Variants in EPS15 observed in about 807,000 individuals in gnomAD.
EPS15 encodes the protein epidermal growth factor receptor pathway substrate 15.
A neutral mutation model predicts 113.8 loss-of-function variants in EPS15; 72 were observed. That is an observed-to-expected ratio of 0.63 (90% CI 0.52 to 0.77). The LOEUF is 0.77. Among genes scored for constraint, EPS15 ranks in the 30% least tolerant of loss-of-function variants. EPS15 has a pLI of 0.00. For missense variants in EPS15, 1,048 were observed against 1,045.8 expected (o/e 1.00, Z -0.03); for synonymous variants, 344 against 363.4 (o/e 0.95, Z 0.61).
At chr1:51,411,069 CCAT>C (rs1283164528) in intron 13 of EPS15, among the ~76,000 whole-genome samples, 1 of 152,184 alleles carries the variant, frequency 6.6e-6, no homozygotes, top group Middle Eastern at 3.2e-3. Flanking sequence ...CTCTTAACCA[CCAT>C]GTGACATACC....
At chr1:51,471,834 G>C in intron 3 of EPS15, 97 bp from the exon 4 acceptor site, 1 of 878,356 alleles carries the variant, frequency 1.1e-6, no homozygotes, top group East Asian at 2.4e-5. Flanking sequence ...CAGGCTCTCT[G>C]GTAATCAGAT....
chr1:51,475,820 C>T (rs1424972154), intron 2 of EPS15, among the ~76,000 whole-genome samples: 1 of 152,136 alleles, frequency 6.6e-6, no homozygotes, highest in Non-Finnish European at 1.5e-5. Context: ...TTAGGTCTAA[C>T]ATTTAAGTCT....
chr1:51,434,581 T>C (rs1651988502), intron 12 of EPS15, among the ~76,000 whole-genome samples: 1 of 151,874 alleles, frequency 6.6e-6, no homozygotes, highest in Admixed American at 6.6e-5. Flanking sequence ...GTATGGGGAG[T>C]TATTGTTTAA....
At chr1:51,513,679 T>C (rs961191324) in intron 1 of EPS15, among the ~76,000 whole-genome samples, 1 of 152,198 alleles carries the variant, frequency 6.6e-6, no homozygotes, top group Non-Finnish European at 1.5e-5. Flanking sequence ...TCCCAAATTC[T>C]GAGCCTCAGT....
intron 16 of EPS15, among the ~76,000 whole-genome samples, chr1:51,404,370 T>A (rs1172748188): frequency 1.4e-5 from 2 of 144,508 alleles, no homozygotes; most frequent in Non-Finnish European, 3.0e-5. Context: ...AGAGCGAGAC[T>A]CCGTCTCAAA....
intron 2 of EPS15, among the ~76,000 whole-genome samples, chr1:51,476,711 G>T (rs1643912034): frequency 6.6e-6 from 1 of 151,702 alleles, no homozygotes; most frequent in African/African-American, 2.4e-5. Context: ...GTTCTGCTCT[G>T]ATCTTAGTTA....
chr1:51,505,892 G>A (rs1029484644), intron 1 of EPS15, among the ~76,000 whole-genome samples: 1 of 139,212 alleles, frequency 7.2e-6, no homozygotes, highest in African/African-American at 2.6e-5. Flanking sequence ...TTATTTATTT[G>A]TTGGTTTGTT....
chr1:51,402,652 C>T (rs771870904), intron 17 of EPS15, 127 bp from the exon 18 acceptor site: 1 of 513,590 alleles, frequency 1.9e-6, no homozygotes, highest in African/African-American at 2.0e-5. Context: ...GGGCCAGGCA[C>T]GGTGGCTCAC....
chr1:51,479,766 T>A (rs1255012996), intron 2 of EPS15, among the ~76,000 whole-genome samples: 1 of 152,252 alleles, frequency 6.6e-6, no homozygotes, highest in Non-Finnish European at 1.5e-5. Flanking sequence ...TGACTTCTTT[T>A]ATTCAAACAA....
chr1:51,398,595 A>G (rs931145946), intron 20 of EPS15, among the ~76,000 whole-genome samples: 1 of 152,246 alleles, frequency 6.6e-6, no homozygotes, highest in Admixed American at 6.5e-5. Context: ...CTTGACATTT[A>G]GTGAGAATTT....
At chr1:51,398,962 G>A in intron 20 of EPS15, 70 bp downstream of exon 20, 1 of 1,335,884 alleles carries the variant, frequency 7.5e-7, no homozygotes, top group Non-Finnish European at 1.0e-6. Flanking sequence ...TCATCACTAT[G>A]TATTTCAAGA....
chr1:51,393,985 T>C lies in EPS15; in HGVS notation c.2119+396A>G, dbSNP rs141858521. On this transcript the variant is annotated intron_variant, in intron 21 of 24. Transcript: ENST00000371733. ...AAATAACATTTAGCTTTTCTCTGTA[T>C]TATTAACAGAACCCATTTGTATTTG... is the stretch of plus-strand genomic sequence containing the variant. Among the ~76,000 whole-genome samples, 25 of 152,358 alleles carry C rather than the reference T, an allele frequency of 1.6e-4. No individual in the cohort carries two copies. The East Asian group carries it at 4.4e-3, about 27-fold the overall frequency.
At chr1:51,516,479 C>A (rs1644718712) in intron 1 of EPS15, among the ~76,000 whole-genome samples, 1 of 152,068 alleles carries the variant, frequency 6.6e-6, no homozygotes, top group Admixed American at 6.6e-5. Flanking sequence ...CAAAGCAGAA[C>A]TGGAACTAAC....
At chr1:51,419,462 G>A (rs750510785) in intron 13 of EPS15, among the ~76,000 whole-genome samples, 4 of 152,072 alleles carry the variant, frequency 2.6e-5, no homozygotes, top group Non-Finnish European at 5.9e-5. Flanking sequence ...TGAGATATGA[G>A]CTCATATTAT....
intron 6 of EPS15, 47 bp downstream of exon 6, chr1:51,465,214 A>G: frequency 2.6e-6 from 3 of 1,136,930 alleles, no homozygotes; most frequent in East Asian, 4.7e-5. Context: ...GAGAGAGTAG[A>G]TAGGAAGCAA....
chr1:51,384,748 C>T (rs1383918784), intron 21 of EPS15, among the ~76,000 whole-genome samples: 1 of 152,062 alleles, frequency 6.6e-6, no homozygotes, highest in African/African-American at 2.4e-5. Context: ...AAATACAAAC[C>T]ATATAGATCA....
At chr1:51,358,844 C>T (rs1327128337) in intron 24 of EPS15, among the ~76,000 whole-genome samples, 1 of 151,466 alleles carries the variant, frequency 6.6e-6, no homozygotes, top group African/African-American at 2.4e-5. Context: ...GCTGGGATTA[C>T]AGGCATGCGC....
intron 4 of EPS15, among the ~76,000 whole-genome samples, chr1:51,469,967 T>C (rs908845237): frequency 2.0e-5 from 3 of 152,168 alleles, no homozygotes; most frequent in South Asian, 4.1e-4. Context: ...AAAACCCTCC[T>C]AGTTCTCTTC....
intron 12 of EPS15, among the ~76,000 whole-genome samples, chr1:51,439,120 A>G (rs893361709): frequency 2.6e-5 from 4 of 152,134 alleles, no homozygotes; most frequent in African/African-American, 4.8e-5. Context: ...GAGAAAGTCT[A>G]TCTGAGAATG....
Sources: allele counts gnomAD v4.1 joint callset (sites outside exome capture counted in the v4.1 genomes callset), GRCh38; gene constraint gnomAD v4.1.1; transcripts MANE v1.5; gene names NCBI Gene and HGNC (gene_info 2026-07-23, HGNC 2026-07-21).